The following TPRG1 variants were observed in gnomAD, a reference collection of about 807,000 sequenced individuals.
The protein encoded by TPRG1 is tumor protein p63 regulated 1, also known as tumor protein p63-regulated gene 1 protein.
In TPRG1, 29 loss-of-function variants were observed where a neutral mutation model predicts 29.3. The ratio of observed to expected loss-of-function variants is 0.99; its 90% CI spans 0.74 to 1.35. The LOEUF (loss-of-function observed/expected upper bound fraction) is 1.35, where lower values mean the gene tolerates loss of function less well. Among genes scored for constraint, TPRG1 ranks in the 40% most tolerant of loss-of-function variants. The probability of loss-of-function intolerance (pLI) is 0.00; values close to 1 mark genes in which losing one functional copy is unlikely to be tolerated. For missense variants in TPRG1, 327 were observed against 335.0 expected (o/e 0.98, Z 0.19); for synonymous variants, 130 against 116.8 (o/e 1.11, Z -0.73).
At chr3:189,098,721 A>G (rs1373252345), upstream of TPRG1, among the ~76,000 whole-genome samples, 2 of 152,146 alleles carry the variant, frequency 1.3e-5, no homozygotes, top group Non-Finnish European at 2.9e-5. Flanking sequence ...TCTTGCATAG[A>G]AGTAGAGCCC....
intron 5 of TPRG1, among the ~76,000 whole-genome samples, chr3:189,155,477 A>G (rs1726538210): frequency 1.3e-5 from 2 of 152,082 alleles, no homozygotes; most frequent in African/African-American, 4.8e-5. Context: ...TGGGTTATCC[A>G]TGTGGTCCCT....
intron 4 of TPRG1, chr3:189,267,636 TTAAG>T (rs1205550440): frequency 6.6e-6 from 1 of 150,846 alleles, no homozygotes; most frequent in Non-Finnish European, 1.5e-5. Flanking sequence ...GAAAAGTTGT[TTAAG>T]TAATCATGAC....
chr3:189,288,600 C>T (rs1410086888), intron 4 of TPRG1, among the ~76,000 whole-genome samples: 2 of 152,264 alleles, frequency 1.3e-5, no homozygotes, highest in Non-Finnish European at 2.9e-5. Context: ...TTTGATTCCG[C>T]TTTCCAATGT....
At chr3:189,103,601 C>A (rs1163182369) in intron 1 of TPRG1, among the ~76,000 whole-genome samples, 3 of 152,134 alleles carry the variant, frequency 2.0e-5, no homozygotes, top group African/African-American at 7.2e-5. Flanking sequence ...ACATGCCTAA[C>A]ATGGTGACAG....
At chr3:189,089,014 A>ATCTATCTG (rs1164812742) in intron 4 of TPRG1, among the ~76,000 whole-genome samples, 2 of 149,466 alleles carry the variant, frequency 1.3e-5, no homozygotes, top group Non-Finnish European at 3.0e-5. Context: ...CTATCTATCT[A>ATCTATCTG]TGTATCATCT....
At chr3:189,215,659 T>C (rs1186575182) in intron 3 of TPRG1, among the ~76,000 whole-genome samples, 1 of 152,160 alleles carries the variant, frequency 6.6e-6, no homozygotes, top group Non-Finnish European at 1.5e-5. Context: ...AAGACTGTTA[T>C]ATTGGCTTCC....
At chr3:189,133,343 T>G (rs1456131037) in intron 3 of TPRG1, among the ~76,000 whole-genome samples, 1 of 152,108 alleles carries the variant, frequency 6.6e-6, no homozygotes, top group Non-Finnish European at 1.5e-5. Flanking sequence ...AGGAGCAAGA[T>G]CAAGATCAGT....
At chr3:189,039,796 G>A in intron 4 of TPRG1, among the ~76,000 whole-genome samples, 1 of 151,846 alleles carries the variant, frequency 6.6e-6, no homozygotes, top group Admixed American at 6.6e-5. Context: ...TAATTCAGAT[G>A]GCACCTTGGA....
chr3:189,298,299 C>T (rs1720284251), intron 4 of TPRG1, among the ~76,000 whole-genome samples: 1 of 152,168 alleles, frequency 6.6e-6, no homozygotes, highest in African/African-American at 2.4e-5. Flanking sequence ...TGTAAAATAA[C>T]TCAGAAAATT....
intron 4 of TPRG1, among the ~76,000 whole-genome samples, chr3:189,049,310 A>C (rs967076383): frequency 6.6e-6 from 1 of 152,120 alleles, no homozygotes; most frequent in East Asian, 1.9e-4. Flanking sequence ...TAGTGGGGGC[A>C]TAGTGGGAGT....
intron 1 of TPRG1, among the ~76,000 whole-genome samples, chr3:189,184,044 G>A (rs780379574): frequency 6.6e-5 from 10 of 152,090 alleles, no homozygotes; most frequent in Non-Finnish European, 1.2e-4. Flanking sequence ...ATTAATTTGG[G>A]GAACTAATAA....
chr3:189,080,003 A>G (rs1243329068), intron 4 of TPRG1, among the ~76,000 whole-genome samples: 1 of 152,178 alleles, frequency 6.6e-6, no homozygotes, highest in African/African-American at 2.4e-5. Context: ...GGTTGGATGC[A>G]CGTTGTATAG....
In TPRG1 at chr3:189,324,680, T is replaced by G. The variant is rs1724580193; in HGVS notation, c.*3860T>G. On this transcript the variant is annotated 3_prime_UTR_variant, in exon 6 of 6. Transcript: ENST00000345063. ...GAGGGGGAGGGCAAAGGTATTAAAT[T>G]TAGGCTTAAAAGCTCCTCAGAAATT... 1 of 152,092 alleles carries G rather than the reference T, an allele frequency of 6.6e-6. No individual in the cohort carries two copies. The highest frequency in any genetic ancestry group is 2.4e-5 in the African/African-American group (1 of 41,416). The allele number at this position is 152,092 out of a possible 1,614,324, so 9.4% of individuals were successfully genotyped here. A position where few individuals can be genotyped will look rare whatever the true frequency, so the allele number is the denominator to read the frequency against.
chr3:189,315,833 G>C (rs1421990172), intron 5 of TPRG1: 1 of 167,864 alleles, frequency 6.0e-6, no homozygotes, highest in African/African-American at 2.4e-5. Context: ...TACGGCGTAG[G>C]GGGAGGAGGC....
intron 1 of TPRG1, among the ~76,000 whole-genome samples, chr3:189,178,390 A>G (rs1729773762): frequency 1.3e-5 from 2 of 152,168 alleles, no homozygotes; most frequent in Admixed American, 1.3e-4. Flanking sequence ...TTAGCTAGGC[A>G]TGGTGATGCG....
At chr3:189,070,593 A>G (rs1324967414) in intron 4 of TPRG1, among the ~76,000 whole-genome samples, 1 of 152,204 alleles carries the variant, frequency 6.6e-6, no homozygotes, top group Non-Finnish European at 1.5e-5. Context: ...TCACAATTGC[A>G]TTTGAATCCA....
intron 4 of TPRG1, among the ~76,000 whole-genome samples, chr3:189,241,795 T>C (rs963451125): frequency 2.0e-5 from 3 of 152,144 alleles, no homozygotes; most frequent in Admixed American, 6.6e-5. Flanking sequence ...CTTTTGCTTC[T>C]TGCTCATTTT....
At chr3:189,104,281 G>A (rs564625736) in intron 1 of TPRG1, among the ~76,000 whole-genome samples, 21 of 152,228 alleles carry the variant, frequency 1.4e-4, no homozygotes, top group African/African-American at 2.6e-4. Flanking sequence ...TTGTACTGAC[G>A]ATAGAGCACT....
intron 1 of TPRG1, among the ~76,000 whole-genome samples, chr3:189,101,949 T>G (rs1444210350): frequency 4.6e-5 from 7 of 152,124 alleles, no homozygotes; most frequent in Non-Finnish European, 1.0e-4. Context: ...TTATTTTAAT[T>G]TTTTTGCAGA....
Sources: gnomAD v4.1 joint callset for allele counts (sites outside exome capture counted in the v4.1 genomes callset) on GRCh38, gnomAD v4.1.1 for gene constraint, MANE v1.5 for transcripts, NCBI Gene and HGNC (gene_info 2026-07-23, HGNC 2026-07-21) for gene names.